Variants in NBEA observed in about 807,000 individuals in gnomAD.
The protein encoded by NBEA is neurobeachin, also known as lysosomal-trafficking regulator 2.
Under a neutral mutation model 343.4 loss-of-function variants are expected in NBEA, and 44 were observed. The ratio of observed to expected loss-of-function variants is 0.13; its 90% CI spans 0.10 to 0.16. NBEA has a LOEUF of 0.16. NBEA is among the 10% of genes least tolerant of loss of function. The probability of loss-of-function intolerance (pLI) is 1.00; values close to 1 mark genes in which losing one functional copy is unlikely to be tolerated. For synonymous variants in NBEA, 1,175 were observed against 1,238.7 expected (o/e 0.95, Z 1.08); for missense variants, 2,555 against 3,631.3 (o/e 0.70, Z 7.62).
intron 10 of NBEA, among the ~76,000 whole-genome samples, chr13:35,083,825 G>T (rs779043447): frequency 2.0e-5 from 3 of 151,974 alleles, no homozygotes; most frequent in Middle Eastern, 3.4e-3. Flanking sequence ...CTGTATTCAG[G>T]AAACCCATCT....
At chr13:35,111,215 C>CT (rs1044720867) in intron 13 of NBEA, among the ~76,000 whole-genome samples, 31 of 151,602 alleles carry the variant, frequency 2.0e-4, no homozygotes, top group African/African-American at 6.8e-4. Context: ...AGCCTGTATG[C>CT]TTTTTTTTCA....
intron 38 of NBEA, among the ~76,000 whole-genome samples, chr13:35,402,851 G>A (rs999136773): frequency 3.3e-5 from 5 of 152,046 alleles, no homozygotes; most frequent in African/African-American, 1.2e-4. Flanking sequence ...TTGTCACCAT[G>A]TTCTTAATTT....
At chr13:35,306,790 A>G (rs2036920800) in intron 35 of NBEA, among the ~76,000 whole-genome samples, 1 of 151,988 alleles carries the variant, frequency 6.6e-6, no homozygotes, top group African/African-American at 2.4e-5. Flanking sequence ...TTAAATTTTG[A>G]TAGATCTTTT....
intron 40 of NBEA, among the ~76,000 whole-genome samples, chr13:35,463,185 G>T (rs914176490): frequency 6.6e-6 from 1 of 152,148 alleles, no homozygotes; most frequent in Non-Finnish European, 1.5e-5. Flanking sequence ...TAAGAGAAAA[G>T]GAAAGAATCC....
intron 40 of NBEA, among the ~76,000 whole-genome samples, chr13:35,457,740 C>G (rs949133734): frequency 4.6e-5 from 7 of 152,170 alleles, no homozygotes; most frequent in Non-Finnish European, 8.8e-5. Flanking sequence ...TCCCGAGTAG[C>G]TGGGACCACA....
chr13:35,395,591 G>T (rs764424082), intron 38 of NBEA, among the ~76,000 whole-genome samples: 1 of 151,996 alleles, frequency 6.6e-6, no homozygotes, highest in Non-Finnish European at 1.5e-5. Context: ...CACATACCAT[G>T]TTCACTGGAA....
intron 38 of NBEA, among the ~76,000 whole-genome samples, chr13:35,361,970 G>A (rs1360147902): frequency 6.6e-6 from 1 of 151,926 alleles, no homozygotes; most frequent in Non-Finnish European, 1.5e-5. Context: ...TACTGGGGTA[G>A]TGGTTTTATG....
intron 10 of NBEA, among the ~76,000 whole-genome samples, chr13:35,085,188 A>G (rs1273114264): frequency 2.0e-5 from 3 of 152,170 alleles, no homozygotes; most frequent in Non-Finnish European, 2.9e-5. Flanking sequence ...TTCTGAAACT[A>G]TTCCAATCAA....
At position 35,435,293 on chromosome 13, in the gene NBEA, G is replaced by A. The variant is rs139209255; in HGVS notation, c.6304+2900G>A. 3.5e-3 allele frequency among the ~76,000 whole-genome samples: 540 copies of A among 152,204 alleles called. 1 individual carries two copies. The highest frequency in any genetic ancestry group is 0.012 in the African/African-American group (494 of 41,528). ...CTCCCAAAGTGCTGGGATTACAGGC[G>A]TGAGCCACTGCGCTCGGCCTTACAG... On this transcript the variant is annotated intron_variant, in intron 39 of 58. Transcript: ENST00000379939.
At chr13:35,306,053 C>A (rs1480251154) in intron 35 of NBEA, among the ~76,000 whole-genome samples, 1 of 152,114 alleles carries the variant, frequency 6.6e-6, no homozygotes, top group African/African-American at 2.4e-5. Context: ...CTACATACAT[C>A]AGGACAGGTG....
intron 34 of NBEA, among the ~76,000 whole-genome samples, chr13:35,248,872 G>A (rs955098497): frequency 3.3e-5 from 5 of 152,084 alleles, no homozygotes; most frequent in African/African-American, 9.7e-5. Context: ...CATGATGGCC[G>A]AGCGTGGTAG....
chr13:35,445,736 T>C (rs1348147317), intron 39 of NBEA, among the ~76,000 whole-genome samples: 1 of 144,482 alleles, frequency 6.9e-6, no homozygotes, highest in African/African-American at 2.6e-5. Context: ...CACTCCAAAA[T>C]TGAACAATGA....
chr13:35,401,140 A>G (rs2042985675), intron 38 of NBEA, among the ~76,000 whole-genome samples: 1 of 151,988 alleles, frequency 6.6e-6, no homozygotes, highest in Admixed American at 6.6e-5. Context: ...AATACTCCTT[A>G]CTAATATTTA....
intron 47 of NBEA, among the ~76,000 whole-genome samples, chr13:35,601,709 C>T (rs1231975734): frequency 3.7e-5 from 5 of 134,794 alleles, no homozygotes; most frequent in African/African-American, 1.4e-4. Flanking sequence ...TTGCAATGAG[C>T]TGAGATCATG....
chr13:35,195,963 G>T lies in NBEA; in HGVS notation c.5027G>T (p.Gly1676Val). 6.2e-7 allele frequency: 1 copy of T among 1,613,612 alleles called. No individual in the cohort carries two copies. Among genetic ancestry groups the T allele is most frequent in the Non-Finnish European group, 8.5e-7 (1 of 1,179,718 alleles). Reference protein sequence around the residue: ...VESSIPHTDSGIGEEQVASIL... With the variant: ...VESSIPHTDSVIGEEQVASIL... Reference sequence around the variant, plus strand: ...AGTTCAATTCCCCATACAGATTCAGGAATTGGAGAGGAGCAAGTGGCTAGC... The same window carrying T: ...AGTTCAATTCCCCATACAGATTCAGTAATTGGAGAGGAGCAAGTGGCTAGC... The change falls in exon 31 of 59, where the codon GGA (glycine) becomes GTA (valine). Residue 1676 changes from glycine (G) to valine (V), a missense_variant. Physicochemically the swap from Gly to Val is moderately radical, Grantham distance 109 (BLOSUM62 -3). Transcript: ENST00000379939.
At chr13:35,125,990 G>GA (rs368296187) in intron 17 of NBEA, among the ~76,000 whole-genome samples, 2,376 of 149,154 alleles carry the variant, frequency 0.016, 74 homozygotes, top group African/African-American at 0.048. Flanking sequence ...TCCATATCTG[G>GA]AAAAAAAAAA....
In NBEA at chr13:35,409,786, G is replaced by T. The variant is rs186413425; in HGVS notation, c.6180-22483G>T. Among the ~76,000 whole-genome samples the T allele has an allele frequency of 5.2e-3, 786 of 151,940 alleles. 3 individuals carry two copies. The highest frequency in any genetic ancestry group is 7.4e-3 in the Non-Finnish European group (500 of 67,834). On this transcript the variant is annotated intron_variant, in intron 38 of 58. Transcript: ENST00000379939. ...CTACAAAGGGGGAAGTGTAGAGAGGGCCGCAGCTTAACAAAGTAGTAGCTC... is the reference window on the plus strand; with the variant it reads ...CTACAAAGGGGGAAGTGTAGAGAGGTCCGCAGCTTAACAAAGTAGTAGCTC...
intron 38 of NBEA, among the ~76,000 whole-genome samples, chr13:35,408,608 T>A: frequency 6.6e-6 from 1 of 152,186 alleles, no homozygotes; most frequent in East Asian, 1.9e-4. Context: ...ACTATGCATC[T>A]GACAAAGGTC....
At position 35,627,014 on chromosome 13, in the gene NBEA, G is replaced by T. The variant is rs78210131; in HGVS notation, c.7450-1067G>T. Among the ~76,000 whole-genome samples the T allele has an allele frequency of 9.9e-3, 1,505 of 152,184 alleles. 19 individuals are homozygous for T. The highest frequency in any genetic ancestry group is 0.034 in the African/African-American group (1,425 of 41,524). ...AATTACTAGTTAAATGTGATCACAG[G>T]AAAAGTTGAAAAGTATTATTTATAA... is the stretch of plus-strand genomic sequence containing the variant. On this transcript the variant is annotated intron_variant, in intron 48 of 58. Transcript: ENST00000379939.
Sources: gnomAD v4.1 joint callset for allele counts (sites outside exome capture counted in the v4.1 genomes callset) on GRCh38, gnomAD v4.1.1 for gene constraint, MANE v1.5 for transcripts, NCBI Gene and HGNC (gene_info 2026-07-23, HGNC 2026-07-21) for gene names.